TIAM1: variants seen among roughly 807,000 people sequenced by gnomAD.
TIAM1 encodes the protein TIAM Rac1 associated GEF 1.
Under a neutral mutation model 163.5 loss-of-function variants are expected in TIAM1, and 65 were observed. The ratio of observed to expected loss-of-function variants is 0.40; its 90% confidence interval spans 0.33 to 0.49. The LOEUF is 0.49. Among genes scored for constraint, TIAM1 ranks in the 20% least tolerant of loss-of-function variants. TIAM1 has a pLI of 0.77. For synonymous variants in TIAM1, 833 were observed against 810.1 expected (o/e 1.03, Z -0.48); for missense variants, 1,789 against 2,044.7 (o/e 0.87, Z 2.41).
At chr21:31,356,468 C>A (rs1418685465) in intron 2 of TIAM1, among the ~76,000 whole-genome samples, 1 of 152,086 alleles carries the variant, frequency 6.6e-6, no homozygotes, top group Non-Finnish European at 1.5e-5. Flanking sequence ...AAATCCTAAC[C>A]CCCAAAGTGA....
intron 6 of TIAM1, among the ~76,000 whole-genome samples, chr21:31,244,617 C>G (rs1205575845): frequency 6.6e-6 from 1 of 152,130 alleles, no homozygotes; most frequent in Non-Finnish European, 1.5e-5. Flanking sequence ...CCCAGCTACT[C>G]AAGAGGCTGA....
At position 31,130,309 on chromosome 21, in the gene TIAM1, A is replaced by C; in HGVS notation, c.3949T>G (p.Ser1317Ala). 1 of 1,613,758 alleles carries C rather than the reference A, an allele frequency of 6.2e-7. No individual in the cohort carries two copies. The highest frequency in any genetic ancestry group is 8.5e-7 in the Non-Finnish European group (1 of 1,179,722). The stretch of plus-strand genomic sequence containing the variant: ...TCCTCATAAATGGAAAGCCTGTGAG[A>C]TCCTACCTGCAGAGGAGAAGGAACC... ...GSKQKKKLVG[S>A]HRLSIYEDWD... Residue 1317 changes from serine (S) to alanine (A), a missense_variant, in exon 25 of 28, where the codon TCT becomes GCT. By Grantham distance (99) the Ser-to-Ala change is moderately conservative. Transcript: ENST00000541036.
chr21:31,344,062 T>A (rs949288408), intron 1 of TIAM1, 76 bp downstream of exon 1: 9 of 152,328 alleles, frequency 5.9e-5, no homozygotes, highest in African/African-American at 2.2e-4. Context: ...CAGAGCCACA[T>A]TCGGCTGCCT....
intron 12 of TIAM1, among the ~76,000 whole-genome samples, chr21:31,197,334 A>G (rs1437172143): frequency 6.6e-6 from 1 of 152,016 alleles, no homozygotes; most frequent in Non-Finnish European, 1.5e-5. Context: ...GAGTTCACAC[A>G]TCATAAATGT....
chr21:31,285,191 C>A (rs995061132), intron 2 of TIAM1, among the ~76,000 whole-genome samples: 9 of 151,616 alleles, frequency 5.9e-5, no homozygotes, highest in South Asian at 4.1e-4. Flanking sequence ...AAGCCACCCC[C>A]CCAAGCCAAT....
chr21:31,279,385 T>C (rs1179167871), intron 2 of TIAM1, among the ~76,000 whole-genome samples: 1 of 152,234 alleles, frequency 6.6e-6, no homozygotes, highest in Non-Finnish European at 1.5e-5. Flanking sequence ...AATTGTCTCA[T>C]GGCCTTGTGA....
chr21:31,130,109 A>T, intron 25 of TIAM1, 104 bp downstream of exon 25: 1 of 937,950 alleles, frequency 1.1e-6, no homozygotes, highest in Non-Finnish European at 1.6e-6. Flanking sequence ...AAAAAAAAAA[A>T]AAAGACGGTA....
rs527864043 is a variant in TIAM1 at position 31,222,707 on chromosome 21, A to ATT, written c.1995+697_1995+698dup. On this transcript the variant is annotated intron_variant, in intron 8 of 27. Transcript: ENST00000541036. ...TATATATATATATATATATATATAT[A>ATT]TTTTTTTTTTTTTTTTTTTTTTTTT... Among the ~76,000 whole-genome samples, 126 of 32,876 alleles carry ATT rather than the reference A, an allele frequency of 3.8e-3. 2 individuals carry two copies. Among genetic ancestry groups the ATT allele is most frequent in the East Asian group, 7.5e-3 (4 of 530 alleles). 21.6% of individuals were successfully genotyped at this position (32,876 alleles called of 152,430 possible). A position where few individuals can be genotyped will look rare whatever the true frequency, so the allele number is the denominator to read the frequency against.
At chr21:31,479,323 A>C (rs754069134) in intron 1 of TIAM1, among the ~76,000 whole-genome samples, 6 of 152,196 alleles carry the variant, frequency 3.9e-5, no homozygotes, top group Non-Finnish European at 8.8e-5. Flanking sequence ...AACATGATTT[A>C]TTCCTGTGAT....
At chr21:31,215,532 G>A (rs541092745) in intron 9 of TIAM1, among the ~76,000 whole-genome samples, 16 of 140,512 alleles carry the variant, frequency 1.1e-4, no homozygotes, top group Middle Eastern at 8.7e-3. Flanking sequence ...TTGCACTCCA[G>A]CCTGGGGCAA....
intron 1 of TIAM1, among the ~76,000 whole-genome samples, chr21:31,489,510 G>T (rs1292602228): frequency 1.6e-5 from 2 of 121,980 alleles, no homozygotes; most frequent in Non-Finnish European, 3.4e-5. Flanking sequence ...AGGGAGACAG[G>T]GAGGGAAGGA....
intron 2 of TIAM1, among the ~76,000 whole-genome samples, chr21:31,310,914 G>A (rs778099587): frequency 1.3e-5 from 2 of 152,264 alleles, no homozygotes; most frequent in Non-Finnish European, 2.9e-5. Flanking sequence ...TTGCATTTTC[G>A]GATATTTACA....
At chr21:31,286,043 G>A (rs1328910922) in intron 2 of TIAM1, among the ~76,000 whole-genome samples, 2 of 152,076 alleles carry the variant, frequency 1.3e-5, no homozygotes, top group Non-Finnish European at 2.9e-5. Flanking sequence ...TAACTAAAAG[G>A]TATTGGGCAA....
At chr21:31,183,577 C>A (rs1345789903) in intron 14 of TIAM1, among the ~76,000 whole-genome samples, 2 of 152,194 alleles carry the variant, frequency 1.3e-5, no homozygotes, top group African/African-American at 4.8e-5. Context: ...CTCCCAGGCC[C>A]TCGGGCATCC....
intron 9 of TIAM1, among the ~76,000 whole-genome samples, chr21:31,213,866 C>CCAAAAAAAAAAAAAAAAA (rs71318260): frequency 3.6e-5 from 2 of 54,848 alleles, no homozygotes; most frequent in African/African-American, 1.2e-4. Flanking sequence ...CTCATCTCTA[C>CCAAAAAAAAAAAAAAAAA]AAAAAAAAAA....
At chr21:31,283,923 T>G (rs1385626557) in intron 2 of TIAM1, among the ~76,000 whole-genome samples, 1 of 152,198 alleles carries the variant, frequency 6.6e-6, no homozygotes, top group African/African-American at 2.4e-5. Context: ...TTCCATGGAA[T>G]GCTAGAACAC....
chr21:31,440,169 A>G (rs1157295976), intron 2 of TIAM1, among the ~76,000 whole-genome samples: 1 of 152,252 alleles, frequency 6.6e-6, no homozygotes, highest in African/African-American at 2.4e-5. Flanking sequence ...TGTCAGAACT[A>G]TATTCAATCG....
At chr21:31,174,055 G>A (rs995789262) in intron 15 of TIAM1, among the ~76,000 whole-genome samples, 6 of 152,266 alleles carry the variant, frequency 3.9e-5, no homozygotes, top group Middle Eastern at 3.4e-3. Context: ...ATGTGCTGCC[G>A]GGTATCTGTG....
In TIAM1 at chr21:31,500,484, G is replaced by A. The variant is rs116120664; in HGVS notation, c.-421-36449C>T. Among the ~76,000 whole-genome samples, 485 of 152,214 alleles carry A rather than the reference G, an allele frequency of 3.2e-3. 6 individuals are homozygous for A. The highest frequency in any genetic ancestry group is 0.011 in the African/African-American group (462 of 41,536). On this transcript the variant is annotated intron_variant, in intron 1 of 28. Coordinates refer to the TIAM1 transcript ENST00000286827. Reference sequence around the variant, plus strand: ...CAAGTCCTCTGTTAGGGGTTTAACCGGGTCTCCCAGAAAGATATGTTGAAG... The same window carrying A: ...CAAGTCCTCTGTTAGGGGTTTAACCAGGTCTCCCAGAAAGATATGTTGAAG...
Sources: gnomAD v4.1 joint callset for allele counts (sites outside exome capture counted in the v4.1 genomes callset) on GRCh38, gnomAD v4.1.1 for gene constraint, MANE v1.5 for transcripts, NCBI Gene and HGNC (gene_info 2026-07-23, HGNC 2026-07-21) for gene names.